Variants in NBAS observed in about 807,000 individuals in gnomAD.
The protein encoded by NBAS is NAG/BC035112 fusion.
Under a neutral mutation model 302.5 loss-of-function variants are expected in NBAS, and 219 were observed. The observed-to-expected ratio is 0.72, with a 90% CI of 0.65 to 0.81. The LOEUF (loss-of-function observed/expected upper bound fraction) is 0.81, where lower values mean the gene tolerates loss of function less well. Ranked by LOEUF, NBAS falls within the 30% of genes least tolerant of loss-of-function variation. NBAS has a pLI of 0.00. For synonymous variants in NBAS, 1,118 were observed against 1,021.6 expected (o/e 1.09, Z -1.80); for missense variants, 2,932 against 2,841.6 (o/e 1.03, Z -0.72).
intron 40 of NBAS, among the ~76,000 whole-genome samples, chr2:15,299,257 T>C (rs981005245): frequency 6.6e-6 from 1 of 152,234 alleles, no homozygotes; most frequent in Non-Finnish European, 1.5e-5. Flanking sequence ...GTTAAATTAC[T>C]TGATTTTCCC....
chr2:14,871,180 T>G, the NBAS span, among the ~76,000 whole-genome samples: 1 of 149,616 alleles, frequency 6.7e-6, no homozygotes. Flanking sequence ...CTAACATACC[T>G]ATAATTGGAG....
At chr2:14,931,406 T>C in the NBAS span, among the ~76,000 whole-genome samples, 1 of 152,304 alleles carries the variant, frequency 6.6e-6, no homozygotes, top group South Asian at 2.1e-4. Flanking sequence ...TGGTGTATCA[T>C]TGATTCTAAG....
intron 35 of NBAS, among the ~76,000 whole-genome samples, chr2:15,331,118 C>T (rs538538950): frequency 2.6e-5 from 4 of 152,252 alleles, no homozygotes; most frequent in Admixed American, 1.3e-4. Flanking sequence ...CTTGACAATA[C>T]ATTTTGAAGT....
At chr2:15,136,060 G>T in the NBAS span, among the ~76,000 whole-genome samples, 1 of 152,198 alleles carries the variant, frequency 6.6e-6, no homozygotes, top group African/African-American at 2.4e-5. Flanking sequence ...CGGTCAAGAG[G>T]CAACGCCTCT....
the NBAS span, among the ~76,000 whole-genome samples, chr2:14,855,430 G>A: frequency 6.6e-6 from 1 of 151,852 alleles, no homozygotes; most frequent in Non-Finnish European, 1.5e-5. Flanking sequence ...TACTAAGATT[G>A]CTACAGGGAG....
chr2:15,321,507 G>A (rs943272373), intron 38 of NBAS, among the ~76,000 whole-genome samples: 1 of 152,088 alleles, frequency 6.6e-6, no homozygotes, highest in African/African-American at 2.4e-5. Context: ...CTGACAAAGG[G>A]CTAATATCCA....
chr2:15,400,151 T>C (rs1323702964), intron 26 of NBAS, among the ~76,000 whole-genome samples: 3 of 150,934 alleles, frequency 2.0e-5, no homozygotes, highest in Non-Finnish European at 4.4e-5. Flanking sequence ...GGATAATAGA[T>C]GGACAACAGA....
At chr2:15,108,128 A>G in the NBAS span, among the ~76,000 whole-genome samples, 1 of 152,180 alleles carries the variant, frequency 6.6e-6, no homozygotes, top group African/African-American at 2.4e-5. Context: ...GCTATTAGCA[A>G]TTAAGGCTGG....
the NBAS span, among the ~76,000 whole-genome samples, chr2:15,067,908 A>C: frequency 2.8e-3 from 422 of 152,348 alleles, 5 homozygotes; most frequent in South Asian, 0.03. Context: ...CATATTAATT[A>C]ATTGAGATTA....
the NBAS span, among the ~76,000 whole-genome samples, chr2:15,138,030 C>G: frequency 6.6e-6 from 1 of 152,118 alleles, no homozygotes; most frequent in Non-Finnish European, 1.5e-5. Context: ...TCCCCATTTT[C>G]CAACACACAA....
the NBAS span, among the ~76,000 whole-genome samples, chr2:14,969,844 T>C: frequency 6.6e-6 from 1 of 151,514 alleles, no homozygotes; most frequent in African/African-American, 2.4e-5. Context: ...AGGCTTCGGG[T>C]GGTGGGGGGG....
rs934735890 is a variant in NBAS, at chr2:15,489,878, T to G, written c.955-856A>C. ...AGCTATTTCCCATTCAGGCATTTGT[T>G]AAGAACAGGGTCCAAGGTAGCCTGC... On this transcript the variant is annotated intron_variant, in intron 11 of 51. Coordinates refer to ENST00000281513, the MANE Select transcript of NBAS (RefSeq NM_015909.4). 1.3e-5 allele frequency among the ~76,000 whole-genome samples: 2 copies of G among 152,160 alleles called. 1 individual carries two copies. Among genetic ancestry groups the G allele is most frequent in the Admixed American group, 1.3e-4 (2 of 15,274 alleles).
chr2:15,510,527 A>G (rs1392641753), intron 10 of NBAS, among the ~76,000 whole-genome samples: 1 of 152,212 alleles, frequency 6.6e-6, no homozygotes, highest in African/African-American at 2.4e-5. Flanking sequence ...CCACAAAATA[A>G]GGAAAAAATA....
intron 44 of NBAS, among the ~76,000 whole-genome samples, chr2:15,258,170 T>C (rs1328867722): frequency 6.6e-6 from 1 of 152,220 alleles, no homozygotes; most frequent in African/African-American, 2.4e-5. Flanking sequence ...TAATTTCTTA[T>C]GCCTGTCTTA....
chr2:15,082,970 A>C, the NBAS span, among the ~76,000 whole-genome samples: 1 of 152,166 alleles, frequency 6.6e-6, no homozygotes, highest in African/African-American at 2.4e-5. Flanking sequence ...GCTACACAGA[A>C]AGTTAATGGG....
chr2:15,439,019 G>C (rs1192878914), intron 21 of NBAS, among the ~76,000 whole-genome samples: 1 of 152,098 alleles, frequency 6.6e-6, no homozygotes, highest in Non-Finnish European at 1.5e-5. Flanking sequence ...TACCCGGCCG[G>C]GCACGGTGGC....
At chr2:14,958,244 G>T in the NBAS span, among the ~76,000 whole-genome samples, 1 of 152,242 alleles carries the variant, frequency 6.6e-6, no homozygotes, top group Admixed American at 6.5e-5. Context: ...GAGAGCAGGA[G>T]ACCCGGGTCC....
intron 35 of NBAS, among the ~76,000 whole-genome samples, chr2:15,343,287 G>A (rs1411183371): frequency 6.6e-6 from 1 of 152,076 alleles, no homozygotes; most frequent in African/African-American, 2.4e-5. Flanking sequence ...AAAACTATCA[G>A]TGGACATATT....
chr2:14,792,531 G>A, the NBAS span, among the ~76,000 whole-genome samples: 10,589 of 151,960 alleles, frequency 0.07, 417 homozygotes, highest in African/African-American at 0.11. Context: ...CAATATTTGA[G>A]GTATGACTGC....
Sources: gnomAD v4.1 joint callset for allele counts (sites outside exome capture counted in the v4.1 genomes callset) on GRCh38, gnomAD v4.1.1 for gene constraint, MANE v1.5 for transcripts, NCBI Gene and HGNC (gene_info 2026-07-23, HGNC 2026-07-21) for gene names.